Variants in CD96 observed in about 807,000 individuals in gnomAD.
CD96 encodes the protein CD96 molecule.
A neutral mutation model predicts 71.3 loss-of-function variants in CD96; 70 were observed. The ratio of observed to expected loss-of-function variants is 0.98; its 90% CI spans 0.81 to 1.20. CD96 has a LOEUF of 1.20. Among genes scored for constraint, CD96 ranks in the 50% most tolerant of loss-of-function variants. CD96 has a pLI of 0.00. For missense variants in CD96, 742 were observed against 677.5 expected, an observed-to-expected ratio of 1.10 and a Z score of -1.06; for synonymous variants, 248 against 233.0, an observed-to-expected ratio of 1.06 and a Z score of -0.59.
At chr3:111,594,282 T>C in intron 5 of CD96, 2 of 1,483,878 alleles carry the variant, frequency 1.3e-6, no homozygotes, top group Non-Finnish European at 1.8e-6. Flanking sequence ...TAAATATATA[T>C]TTGGGAAGGG....
At chr3:111,564,883 A>T (rs1334605559) in intron 2 of CD96, among the ~76,000 whole-genome samples, 2 of 151,932 alleles carry the variant, frequency 1.3e-5, no homozygotes, top group African/African-American at 2.4e-5. Context: ...TTCTGAGTGT[A>T]TTTCCTTTGC....
At chr3:111,642,096 A>G (rs1265684837) in intron 12 of CD96, among the ~76,000 whole-genome samples, 1 of 152,240 alleles carries the variant, frequency 6.6e-6, no homozygotes, top group Non-Finnish European at 1.5e-5. Context: ...AACTAGAGAA[A>G]CAAGAACAAA....
At chr3:111,623,885 C>A in intron 9 of CD96, 63 bp downstream of exon 9, 1 of 1,012,456 alleles carries the variant, frequency 9.9e-7, no homozygotes, top group Non-Finnish European at 1.6e-6. Flanking sequence ...AGTTTTACTA[C>A]TGCTTCTATA....
intron 8 of CD96, among the ~76,000 whole-genome samples, chr3:111,613,779 G>A (rs1027425190): frequency 6.6e-6 from 1 of 152,172 alleles, no homozygotes; most frequent in Non-Finnish European, 1.5e-5. Context: ...GAGACAATAA[G>A]TTAAATTTTT....
At chr3:111,572,563 A>T (rs928305873) in intron 3 of CD96, among the ~76,000 whole-genome samples, 1 of 152,216 alleles carries the variant, frequency 6.6e-6, no homozygotes, top group Non-Finnish European at 1.5e-5. Flanking sequence ...TCTTACAAAC[A>T]TATATAATCT....
chr3:111,645,584 T>C (rs1271076309), intron 12 of CD96, among the ~76,000 whole-genome samples: 2 of 152,182 alleles, frequency 1.3e-5, no homozygotes, highest in Non-Finnish European at 2.9e-5. Flanking sequence ...TAAAATATTA[T>C]ATCCCACCAT....
In CD96 at chr3:111,637,236, G is replaced by C. The variant is rs1533270; in HGVS notation, c.1362G>C (p.Pro454=). ...RIPSETYSSS[P]SGAGSTLHDN... is the part of the protein sequence containing the mutation. ...CTAGTGAAACATACAGTTCATCCCCGTCAGGTGCAGGCTCAACACTTCATG... is the reference window on the plus strand; with the variant it reads ...CTAGTGAAACATACAGTTCATCCCCCTCAGGTGCAGGCTCAACACTTCATG... Residue 454 remains proline (P), a synonymous_variant, in exon 11 of 14, where the codon CCG becomes CCC. Transcript: ENST00000352690. The C allele has an allele frequency of 1, 1,586,121 of 1,587,174 alleles. 792,538 individuals are homozygous for C. The highest frequency in any genetic ancestry group is 1 in the East Asian group (44,754 of 44,754).
At chr3:111,635,672 A>G (rs1002848009) in intron 10 of CD96, among the ~76,000 whole-genome samples, 2 of 152,208 alleles carry the variant, frequency 1.3e-5, no homozygotes, top group Non-Finnish European at 2.9e-5. Flanking sequence ...AAAATGTTCT[A>G]TATTGACTCA....
At chr3:111,567,160 A>T (rs1160739725) in intron 2 of CD96, among the ~76,000 whole-genome samples, 1 of 152,184 alleles carries the variant, frequency 6.6e-6, no homozygotes, top group Non-Finnish European at 1.5e-5. Flanking sequence ...AAGTCCAACA[A>T]AATAAAAAGA....
At chr3:111,583,310 G>C (rs936388495) in intron 4 of CD96, among the ~76,000 whole-genome samples, 4 of 152,206 alleles carry the variant, frequency 2.6e-5, no homozygotes, top group South Asian at 2.1e-4. Flanking sequence ...TGGCTTTACA[G>C]GGTACAGCCT....
intron 5 of CD96, chr3:111,593,700 C>A (rs374773886): frequency 1.2e-6 from 2 of 1,614,020 alleles, no homozygotes; most frequent in Non-Finnish European, 8.5e-7. Flanking sequence ...TCCCGCCATT[C>A]CACTGCCCTT....
intron 5 of CD96, 76 bp from the exon 6 acceptor site, chr3:111,598,044 A>G (rs372468769): frequency 5.5e-6 from 4 of 723,892 alleles, no homozygotes; most frequent in Non-Finnish European, 1.0e-5. Context: ...GCCAACTTAT[A>G]TGAATGTTAG....
At chr3:111,593,611 A>T (rs1236492883) in intron 5 of CD96, 2 of 1,576,752 alleles carry the variant, frequency 1.3e-6, no homozygotes, top group Admixed American at 3.6e-5. Flanking sequence ...CCTCCTTCTC[A>T]GCCCTCACCT....
chr3:111,601,052 G>A (rs1264650296), intron 7 of CD96, 138 bp downstream of exon 7: 2 of 588,940 alleles, frequency 3.4e-6, no homozygotes, highest in East Asian at 5.8e-5. Flanking sequence ...ACTATTTCAA[G>A]TTATCAAACA....
rs553482579 is a variant in CD96, at chr3:111,570,727, T to C, written c.543+3080T>C. 4 of 1,613,104 alleles carry C rather than the reference T, an allele frequency of 2.5e-6. No homozygotes were observed. In the East Asian group the frequency reaches 8.9e-5, roughly 36 times the overall value. On this transcript the variant is annotated intron_variant, in intron 3 of 13. Coordinates refer to ENST00000352690, the MANE Select transcript of CD96 (RefSeq NM_005816.5). ...GACAGAGCATCATAGATGGGGTTGA[T>C]CTTGTCCAGATACTCTTCCTCCTCC...
At chr3:111,613,737 G>A (rs780950375) in intron 8 of CD96, among the ~76,000 whole-genome samples, 6 of 152,200 alleles carry the variant, frequency 3.9e-5, no homozygotes, top group Non-Finnish European at 8.8e-5. Flanking sequence ...TATAGTGATA[G>A]AATGAAAGGC....
chr3:111,648,764 T>C (rs903484690), intron 13 of CD96, among the ~76,000 whole-genome samples: 1 of 152,220 alleles, frequency 6.6e-6, no homozygotes, highest in Non-Finnish European at 1.5e-5. Context: ...ACCCACTCTT[T>C]ATCTCTCCTA....
chr3:111,596,639 A>T (rs1232878810), intron 5 of CD96, among the ~76,000 whole-genome samples: 1 of 152,114 alleles, frequency 6.6e-6, no homozygotes, highest in Non-Finnish European at 1.5e-5. Context: ...TTCTTTTTTT[A>T]AAAAAACATT....
downstream of CD96, among the ~76,000 whole-genome samples, chr3:111,654,876 T>C (rs1940191196): frequency 6.6e-6 from 1 of 152,156 alleles, no homozygotes; most frequent in African/African-American, 2.4e-5. Flanking sequence ...GCCAAGAAGG[T>C]AGGCTGGAGG....
Sources: allele counts gnomAD v4.1 joint callset (sites outside exome capture counted in the v4.1 genomes callset), GRCh38; gene constraint gnomAD v4.1.1; transcripts MANE v1.5; gene names NCBI Gene and HGNC (gene_info 2026-07-23, HGNC 2026-07-21).